Variants in FBN2 observed in about 807,000 individuals in gnomAD.
FBN2 encodes the protein fibrillin 2, also known as fibrillin-2.
FBN2 carries 105 observed loss-of-function variants against 355.6 expected under a neutral mutation model. The observed-to-expected ratio is 0.30, with a 90% CI of 0.25 to 0.35. The LOEUF is 0.35. Ranked by LOEUF, FBN2 falls within the 10% of genes least tolerant of loss-of-function variation. The probability of loss-of-function intolerance (pLI) is 1.00; values close to 1 mark genes in which losing one functional copy is unlikely to be tolerated. For synonymous variants in FBN2, 1,350 were observed against 1,301.2 expected (o/e 1.04, Z -0.81); for missense variants, 3,280 against 3,758.7 (o/e 0.87, Z 3.33).
chr5:128,530,699 GA>G lies in FBN2; in HGVS notation c.338-7del. ...ACAACTATTTCTACAAATCGCTGTA[GA>G]AAGCACAATAGGAAAATGAATGAAT... is the stretch of plus-strand genomic sequence containing the variant. On this transcript the variant is annotated splice_region_variant and splice_polypyrimidine_tract_variant and intron_variant, in intron 2 of 64. Transcript: ENST00000262464. 2 of 1,568,328 alleles carry G rather than the reference GA, an allele frequency of 1.3e-6. No homozygotes were observed. Among genetic ancestry groups the G allele is most frequent in the Non-Finnish European group, 1.8e-6 (2 of 1,138,656 alleles).
intron 62 of FBN2, among the ~76,000 whole-genome samples, chr5:128,264,286 C>A (rs955066772): frequency 6.6e-6 from 1 of 152,042 alleles, no homozygotes; most frequent in Non-Finnish European, 1.5e-5. Flanking sequence ...AATTTATAAA[C>A]CCTAAATGAA....
Position 128,522,983 on chromosome 5 carries a change from T to A in FBN2, c.533-3615A>T, listed in dbSNP as rs189432793. Among the ~76,000 whole-genome samples the A allele has an allele frequency of 9.9e-5, 15 of 152,172 alleles. 1 individual carries two copies. Among genetic ancestry groups the A allele is most frequent in the Admixed American group, 6.5e-5 (1 of 15,284 alleles). The stretch of plus-strand genomic sequence containing the variant: ...AAAATCCTAGAAGGAGAAAACACAC[T>A]GTTTTTCCTGTGTGGGTTGGTTGCA... On this transcript the variant is annotated intron_variant, in intron 4 of 64. Transcript: ENST00000262464.
rs759648926 is a variant in FBN2 at position 128,289,263 on chromosome 5, G to C, written c.6512-11C>G. On this transcript the variant is annotated splice_polypyrimidine_tract_variant and intron_variant, in intron 51 of 64. Coordinates refer to ENST00000262464, the MANE Select transcript of FBN2 (RefSeq NM_001999.4). ...GACACTCATTGACATCTAAAATATA[G>C]AACTGCATGTGAATTTCCTCATATA... 9.9e-6 allele frequency: 16 copies of C among 1,613,410 alleles called. No individual in the cohort carries two copies. Among genetic ancestry groups the C allele is most frequent in the Non-Finnish European group, 1.3e-5 (15 of 1,179,652 alleles).
chr5:128,344,412 G>C lies in FBN2; in HGVS notation c.3316C>G (p.Leu1106Val), dbSNP rs773632180. Residue 1106 changes from leucine to valine, a missense_variant, in exon 25 of 65, where the codon CTA (leucine) becomes GTA (valine). Leu to Val is a conservative substitution (Grantham distance 32). Around this residue, in one of 6 missense-constraint regions of FBN2, gnomAD observed 2,284 missense variants for 2,749.5 expected, o/e 0.83. Coordinates refer to ENST00000262464, the MANE Select transcript of FBN2 (RefSeq NM_001999.4). Reference sequence around the variant, plus strand: ...GTGCAGTTTCTTTCCTCCATGTCTAGAGCAAAGCCACTATTGCAACGGCAT... The same window carrying C: ...GTGCAGTTTCTTTCCTCCATGTCTACAGCAAAGCCACTATTGCAACGGCAT... ...FKCRCNSGFA[L>V]DMEERNCTDI... The C allele has an allele frequency of 4.3e-6, 7 of 1,613,994 alleles. No individual in the cohort carries two copies. Among genetic ancestry groups the C allele is most frequent in the Admixed American group, 3.3e-5 (2 of 60,008 alleles).
chr5:128,320,348 G>A (rs1177312850), intron 34 of FBN2, among the ~76,000 whole-genome samples: 4 of 151,874 alleles, frequency 2.6e-5, no homozygotes. Context: ...CCAGGTAGCT[G>A]GGACTATGGG....
At chr5:128,475,301 C>T (rs1754980533) in intron 5 of FBN2, among the ~76,000 whole-genome samples, 1 of 152,070 alleles carries the variant, frequency 6.6e-6, no homozygotes. Context: ...ATATAACTTA[C>T]TAGTATTGGT....
At chr5:128,323,930 T>C (rs903656813) in intron 34 of FBN2, among the ~76,000 whole-genome samples, 3 of 152,324 alleles carry the variant, frequency 2.0e-5, no homozygotes, top group South Asian at 2.1e-4. Context: ...GGACTTATTT[T>C]GTTTGGTAGG....
Position 128,259,283 on chromosome 5 carries a change from C to CAG in FBN2, c.*170_*171dup. On this transcript the variant is annotated 3_prime_UTR_variant, in exon 65 of 65. Coordinates refer to ENST00000262464, the MANE Select transcript of FBN2 (RefSeq NM_001999.4). Reference sequence around the variant, plus strand: ...TTTGTGCTCAAATCTTTGGCCATACCAGAGTCTAAATTATCCCTCCCTGTG... The same window carrying CAG: ...TTTGTGCTCAAATCTTTGGCCATACCAGAGAGTCTAAATTATCCCTCCCTGTG... The CAG allele has an allele frequency of 3.7e-6, 3 of 804,486 alleles. No homozygotes were observed. Among genetic ancestry groups the CAG allele is most frequent in the Non-Finnish European group, 6.1e-6 (3 of 488,576 alleles). The allele number at this position is 804,486 out of a possible 1,614,324, so 49.8% of individuals were successfully genotyped here.
chr5:128,277,710 G>A (rs190053314), intron 58 of FBN2, among the ~76,000 whole-genome samples, 170 bp downstream of exon 58: 99 of 152,200 alleles, frequency 6.5e-4, no homozygotes, highest in Non-Finnish European at 1.2e-3. Context: ...CTGGACAAAG[G>A]CCAAGTGCTG....
intron 25 of FBN2, among the ~76,000 whole-genome samples, chr5:128,342,553 T>C (rs1480889404): frequency 2.0e-5 from 3 of 151,642 alleles, no homozygotes; most frequent in Non-Finnish European, 1.5e-5. Flanking sequence ...TGTGTATAAG[T>C]TGAGGAACAG....
At position 128,537,509 on chromosome 5, in the gene FBN2, G is replaced by C; in HGVS notation, c.95C>G (p.Pro32Arg). The part of the protein sequence containing the change: ...WAQGTAGQPQ[P>R]PPPKPPRPQP... Reference sequence around the variant, plus strand: ...GGGCCGGGGCGGCTTGGGCGGAGGAGGCTGAGGCTGGCCGGCCGTGCCCTG... The same window carrying C: ...GGGCCGGGGCGGCTTGGGCGGAGGACGCTGAGGCTGGCCGGCCGTGCCCTG... The change falls in exon 1 of 65, where the codon CCT (proline) becomes CGT (arginine). Residue 32 changes from proline (P) to arginine (R), a missense_variant. Physicochemically the swap from Pro to Arg is moderately radical, Grantham distance 103 (BLOSUM62 -2). This residue lies in a region of FBN2 where 203 missense variants were observed against 142.2 expected (regional missense o/e 1.43). Coordinates refer to ENST00000262464, the MANE Select transcript of FBN2 (RefSeq NM_001999.4). The C allele has an allele frequency of 6.3e-7, 1 of 1,577,144 alleles. No individual in the cohort carries two copies. Among genetic ancestry groups the C allele is most frequent in the Non-Finnish European group, 8.6e-7 (1 of 1,164,494 alleles).
intron 7 of FBN2, among the ~76,000 whole-genome samples, chr5:128,429,461 T>C (rs1295691377): frequency 6.6e-6 from 1 of 152,202 alleles, no homozygotes; most frequent in African/African-American, 2.4e-5. Context: ...AGAATATATT[T>C]TATTCATGAA....
intron 34 of FBN2, among the ~76,000 whole-genome samples, chr5:128,325,772 GTTA>G (rs1750527763): frequency 1.3e-5 from 2 of 152,010 alleles, no homozygotes; most frequent in African/African-American, 4.8e-5. Flanking sequence ...TCTTTCCACT[GTTA>G]TTATCTCAGG....
At chr5:128,521,999 T>C (rs1756445747) in intron 4 of FBN2, among the ~76,000 whole-genome samples, 2 of 152,188 alleles carry the variant, frequency 1.3e-5, no homozygotes, top group African/African-American at 2.4e-5. Context: ...ATAATATGGG[T>C]TTCTTGTTAT....
chr5:128,534,818 A>G (rs544400917), intron 2 of FBN2, among the ~76,000 whole-genome samples: 1 of 152,210 alleles, frequency 6.6e-6, no homozygotes. Flanking sequence ...ACAGATTTTC[A>G]ACACGTACCA....
At chr5:128,454,471 G>C (rs377764509) in intron 6 of FBN2, among the ~76,000 whole-genome samples, 1 of 152,184 alleles carries the variant, frequency 6.6e-6, no homozygotes, top group African/African-American at 2.4e-5. Context: ...TGTTTTGGCT[G>C]TAACTATCTT....
Position 128,310,365 on chromosome 5 carries a change from CATATAT to C in FBN2, c.5075-263_5075-258del, listed in dbSNP as rs1178825562. Among the ~76,000 whole-genome samples, 488 of 56,980 alleles carry C rather than the reference CATATAT, an allele frequency of 8.6e-3. 1 individual carries two copies. The highest frequency in any genetic ancestry group is 0.017 in the African/African-American group (258 of 15,248). The allele number at this position is 56,980 out of a possible 152,430, so 37.4% of individuals were successfully genotyped here. On this transcript the variant is annotated intron_variant, in intron 39 of 64. Coordinates refer to ENST00000262464, the MANE Select transcript of FBN2 (RefSeq NM_001999.4). ...GTGGCAAAAAATAATTTCCTTGGCA[CATATAT>C]ATATATATATATATATATATATATA...
intron 11 of FBN2, among the ~76,000 whole-genome samples, chr5:128,382,534 C>G (rs1752259780): frequency 6.6e-6 from 1 of 151,750 alleles, no homozygotes; most frequent in South Asian, 2.1e-4. Context: ...GTAACTCTAC[C>G]CCGGACATTC....
At chr5:128,474,009 G>A (rs1284109553) in intron 5 of FBN2, among the ~76,000 whole-genome samples, 3 of 152,148 alleles carry the variant, frequency 2.0e-5, no homozygotes, top group Admixed American at 2.0e-4. Flanking sequence ...ACATCAAAGG[G>A]CATTTTAAGA....
Sources: gnomAD v4.1 joint callset for allele counts (sites outside exome capture counted in the v4.1 genomes callset) on GRCh38, gnomAD v4.1.1 for gene constraint, gnomAD v4.1.1 regional missense constraint, MANE v1.5 for transcripts, NCBI Gene and HGNC (gene_info 2026-07-23, HGNC 2026-07-21) for gene names.